The following SEMA5A variants were observed in gnomAD, a reference collection of about 807,000 sequenced individuals.
SEMA5A encodes the protein semaphorin 5A, also known as semaphorin-5A.
A neutral mutation model predicts 135.5 loss-of-function variants in SEMA5A; 55 were observed. The observed-to-expected ratio is 0.41, with a 90% CI of 0.33 to 0.51. SEMA5A has a LOEUF of 0.51. Among genes scored for constraint, SEMA5A ranks in the 20% least tolerant of loss-of-function variants. The pLI is 0.37. For synonymous variants in SEMA5A, 580 were observed against 546.5 expected (o/e 1.06, Z -0.85); for missense variants, 1,290 against 1,419.9 (o/e 0.91, Z 1.47).
chr5:9,137,360 T>C (rs772887416), intron 12 of SEMA5A, among the ~76,000 whole-genome samples: 4 of 152,262 alleles, frequency 2.6e-5, no homozygotes, highest in Non-Finnish European at 5.9e-5. Context: ...AGATGGCGGA[T>C]ATTTTCTTTT....
intron 13 of SEMA5A, among the ~76,000 whole-genome samples, chr5:9,127,610 T>A (rs991045318): frequency 6.6e-6 from 1 of 152,216 alleles, no homozygotes; most frequent in African/African-American, 2.4e-5. Context: ...TCCTTCTGTG[T>A]TTGGGGGTTT....
chr5:9,420,837 A>T (rs1757440269), intron 2 of SEMA5A, among the ~76,000 whole-genome samples: 1 of 151,812 alleles, frequency 6.6e-6, no homozygotes, highest in African/African-American at 2.4e-5. Flanking sequence ...ATATGGTGAA[A>T]CCCCGTCTCT....
chr5:9,156,773 T>C (rs971238049), intron 11 of SEMA5A, among the ~76,000 whole-genome samples: 26 of 152,220 alleles, frequency 1.7e-4, no homozygotes, highest in Non-Finnish European at 1.5e-5. Context: ...TAACAAAGAC[T>C]CATTGCTGTT....
At chr5:9,184,338 T>C (rs997981128) in intron 11 of SEMA5A, among the ~76,000 whole-genome samples, 1 of 152,146 alleles carries the variant, frequency 6.6e-6, no homozygotes, top group Non-Finnish European at 1.5e-5. Flanking sequence ...TGTTCCTTTA[T>C]TCTGAATTAA....
chr5:9,468,301 A>G (rs1264193866), intron 1 of SEMA5A, among the ~76,000 whole-genome samples: 1 of 152,174 alleles, frequency 6.6e-6, no homozygotes, highest in Non-Finnish European at 1.5e-5. Context: ...AGACGCCTTC[A>G]TTACTGGAAC....
At chr5:9,369,286 A>G (rs1755038621) in intron 3 of SEMA5A, among the ~76,000 whole-genome samples, 1 of 152,202 alleles carries the variant, frequency 6.6e-6, no homozygotes, top group Non-Finnish European at 1.5e-5. Context: ...ATATTCCCAC[A>G]CAGTGTATGG....
chr5:9,381,213 A>G (rs1275241445), intron 2 of SEMA5A, among the ~76,000 whole-genome samples: 2 of 152,246 alleles, frequency 1.3e-5, no homozygotes, highest in Admixed American at 1.3e-4. Context: ...TAGGCAGATG[A>G]GAACATAGAA....
chr5:9,184,130 T>A (rs1744676465), intron 11 of SEMA5A, among the ~76,000 whole-genome samples: 5 of 152,114 alleles, frequency 3.3e-5, no homozygotes, highest in Non-Finnish European at 7.3e-5. Context: ...TGTTTTTTTT[T>A]ATTCTTGGAT....
chr5:9,169,899 T>A (rs1289007231), intron 11 of SEMA5A, among the ~76,000 whole-genome samples: 1 of 152,220 alleles, frequency 6.6e-6, no homozygotes, highest in Non-Finnish European at 1.5e-5. Context: ...CTTATTTGGG[T>A]CATATTCTGG....
At chr5:9,384,193 A>G (rs1474853606) in intron 2 of SEMA5A, among the ~76,000 whole-genome samples, 2 of 151,996 alleles carry the variant, frequency 1.3e-5, no homozygotes, top group African/African-American at 4.8e-5. Flanking sequence ...TGGAAGGCTA[A>G]CTCCTTGAAG....
intron 5 of SEMA5A, among the ~76,000 whole-genome samples, chr5:9,241,565 CAAAAA>C (rs3061561): frequency 8.9e-6 from 1 of 111,864 alleles, no homozygotes. Context: ...AAGAGAGCTA[CAAAAA>C]AAAAAAAAAA....
intron 5 of SEMA5A, among the ~76,000 whole-genome samples, chr5:9,263,452 TG>T (rs1252473836): frequency 6.6e-6 from 1 of 152,202 alleles, no homozygotes; most frequent in East Asian, 1.9e-4. Flanking sequence ...CTACTCTTTA[TG>T]GGACTCTAGT....
At chr5:9,227,340 C>G (rs1458634160) in intron 6 of SEMA5A, among the ~76,000 whole-genome samples, 1 of 152,092 alleles carries the variant, frequency 6.6e-6, no homozygotes, top group African/African-American at 2.4e-5. Context: ...GCTAAATGGC[C>G]TTGGACGGGT....
chr5:9,536,499 G>T (rs1737775051), intron 1 of SEMA5A, among the ~76,000 whole-genome samples: 1 of 151,996 alleles, frequency 6.6e-6, no homozygotes, highest in Non-Finnish European at 1.5e-5. Context: ...TGTATTCCCA[G>T]CTACTTGGGA....
At chr5:9,250,064 A>G (rs934893659) in intron 5 of SEMA5A, among the ~76,000 whole-genome samples, 6 of 152,186 alleles carry the variant, frequency 3.9e-5, no homozygotes, top group Non-Finnish European at 8.8e-5. Context: ...GGTGAGAGAC[A>G]AGTAGTTGAG....
chr5:9,239,792 A>G (rs1410619743), intron 5 of SEMA5A, among the ~76,000 whole-genome samples: 2 of 152,104 alleles, frequency 1.3e-5, no homozygotes, highest in African/African-American at 4.8e-5. Flanking sequence ...GAAATACTTT[A>G]GATAAAGAGT....
intron 1 of SEMA5A, among the ~76,000 whole-genome samples, chr5:9,471,793 A>G (rs1172698873): frequency 6.6e-6 from 1 of 152,254 alleles, no homozygotes; most frequent in South Asian, 2.1e-4. Flanking sequence ...CGATACAGCT[A>G]AACGATACAA....
intron 1 of SEMA5A, among the ~76,000 whole-genome samples, chr5:9,538,868 C>T (rs747483733): frequency 8.5e-5 from 13 of 152,264 alleles, no homozygotes; most frequent in Non-Finnish European, 1.5e-4. Context: ...TCCCAGTAGA[C>T]GCAGCAGGAC....
At chr5:9,395,952 C>A (rs952010190) in intron 2 of SEMA5A, among the ~76,000 whole-genome samples, 6 of 152,092 alleles carry the variant, frequency 3.9e-5, no homozygotes, top group African/African-American at 1.4e-4. Flanking sequence ...GGAATAAACA[C>A]TTCATTCTGG....
Sources: allele counts gnomAD v4.1 joint callset (sites outside exome capture counted in the v4.1 genomes callset), GRCh38; gene constraint gnomAD v4.1.1; transcripts MANE v1.5; gene names NCBI Gene and HGNC (gene_info 2026-07-23, HGNC 2026-07-21).